The following CELF4 variants were observed in gnomAD, a reference collection of about 807,000 sequenced individuals.
CELF4 encodes CUGBP Elav-like family member 4, also known as CUG-BP- and ETR-3-like factor 4.
Under a neutral mutation model 59.9 loss-of-function variants are expected in CELF4, and 18 were observed. The observed-to-expected ratio is 0.30, with a 90% CI of 0.21 to 0.45. The LOEUF (loss-of-function observed/expected upper bound fraction) is 0.45. Among genes scored for constraint, CELF4 ranks in the 20% least tolerant of loss-of-function variants. CELF4 has a pLI of 1.00. For synonymous variants in CELF4, 261 were observed against 267.1 expected, an observed-to-expected ratio of 0.98 and a Z score of 0.22; for missense variants, 456 against 689.0, an observed-to-expected ratio of 0.66 and a Z score of 3.79.
At chr18:37,276,737 T>G (rs549505789) in intron 3 of CELF4, among the ~76,000 whole-genome samples, 55 of 152,296 alleles carry the variant, frequency 3.6e-4, no homozygotes, top group African/African-American at 1.3e-3. Context: ...AATAAATGGT[T>G]GTTTTACACC....
In CELF4 at chr18:37,357,574, G is replaced by A. The variant is rs553848609; in HGVS notation, c.370-35693C>T. On this transcript the variant is annotated intron_variant, in intron 2 of 12. Coordinates refer to ENST00000420428, the MANE Select transcript of CELF4 (RefSeq NM_020180.4). ...GCCTCCACAGAGAATCCCTACTGGG[G>A]CACTGCCTAGTGAAGCTGTGAGAAG... Among the ~76,000 whole-genome samples the A allele has an allele frequency of 3.9e-5, 6 of 152,200 alleles. No individual in the cohort carries two copies. The South Asian group carries it at 1.2e-3, about 32-fold the overall frequency.
intron 3 of CELF4, among the ~76,000 whole-genome samples, chr18:37,290,188 A>T (rs986108832): frequency 1.3e-5 from 2 of 152,018 alleles, no homozygotes; most frequent in African/African-American, 4.8e-5. Flanking sequence ...GCCAGCCCCA[A>T]CTCTCCTTCC....
At chr18:37,552,403 CA>C (rs2099983503) in intron 1 of CELF4, among the ~76,000 whole-genome samples, 1 of 152,340 alleles carries the variant, frequency 6.6e-6, no homozygotes, top group East Asian at 1.9e-4. Flanking sequence ...CCCTGCTCTG[CA>C]GAAACCTGCC....
chr18:37,474,265 G>C lies in CELF4; in HGVS notation c.369+11260C>G, dbSNP rs1324787124. 2.6e-5 allele frequency among the ~76,000 whole-genome samples: 4 copies of C among 152,340 alleles called. No homozygotes were observed. In the East Asian group the frequency reaches 7.7e-4, roughly 29 times the overall value. On this transcript the variant is annotated intron_variant, in intron 2 of 12. Transcript: ENST00000420428. Reference sequence around the variant, plus strand: ...TGGCTTCCCAAGGGCACACAGTAAGGCTCCAGGCAGAGCTGGGGATGGAAT... The same window carrying C: ...TGGCTTCCCAAGGGCACACAGTAAGCCTCCAGGCAGAGCTGGGGATGGAAT...
chr18:37,512,772 CT>C (rs2099946038), intron 1 of CELF4, among the ~76,000 whole-genome samples: 3 of 151,458 alleles, frequency 2.0e-5, no homozygotes, highest in South Asian at 4.2e-4. Flanking sequence ...TTCTTCTTCC[CT>C]TTAGTCCTTC....
At chr18:37,357,410 T>C (rs1268622786) in intron 2 of CELF4, among the ~76,000 whole-genome samples, 7 of 152,208 alleles carry the variant, frequency 4.6e-5, no homozygotes, top group South Asian at 2.1e-4. Flanking sequence ...AAGTCAAGAA[T>C]TGAGGTTTGG....
chr18:37,555,700 A>G (rs571189256), intron 1 of CELF4, among the ~76,000 whole-genome samples: 2 of 152,348 alleles, frequency 1.3e-5, no homozygotes, highest in Non-Finnish European at 2.9e-5. Flanking sequence ...ACACAACTGA[A>G]TCACTCTGGG....
rs150790261 is a variant in CELF4 at position 37,544,665 on chromosome 18, G to A, written c.286+20691C>T. Among the ~76,000 whole-genome samples, 24 of 152,332 alleles carry A rather than the reference G, an allele frequency of 1.6e-4. No homozygotes were observed. In the East Asian group the frequency reaches 3.9e-3, roughly 24 times the overall value. On this transcript the variant is annotated intron_variant, in intron 1 of 12. Transcript: ENST00000420428. ...TACGTGAGGATGAGAATTTAAGAGTGTGAGATTGGGATCCACTTCCTGCAA... is the reference window on the plus strand; with the variant it reads ...TACGTGAGGATGAGAATTTAAGAGTATGAGATTGGGATCCACTTCCTGCAA...
At chr18:37,453,173 C>T (rs1280757287) in intron 2 of CELF4, among the ~76,000 whole-genome samples, 1 of 152,282 alleles carries the variant, frequency 6.6e-6, no homozygotes, top group Non-Finnish European at 1.5e-5. Flanking sequence ...TATGGTCCAA[C>T]ATATTTGCTC....
intron 3 of CELF4, among the ~76,000 whole-genome samples, chr18:37,311,834 G>A (rs1477581211): frequency 2.8e-5 from 4 of 144,564 alleles, no homozygotes; most frequent in Admixed American, 2.1e-4. Context: ...GGGATCGTCC[G>A]GGCGCGGTGG....
intron 2 of CELF4, among the ~76,000 whole-genome samples, chr18:37,391,628 C>CAGGA (rs2099162855): frequency 6.6e-6 from 1 of 152,206 alleles, no homozygotes. Context: ...ATGTCCTGAC[C>CAGGA]CATGGCATGG....
At chr18:37,286,912 C>G (rs544053199) in intron 3 of CELF4, among the ~76,000 whole-genome samples, 1 of 152,174 alleles carries the variant, frequency 6.6e-6, no homozygotes, top group Admixed American at 6.5e-5. Context: ...CTGGCCTCCC[C>G]GCGAGACCCA....
At chr18:37,411,117 C>T (rs941754588) in intron 2 of CELF4, among the ~76,000 whole-genome samples, 4 of 151,984 alleles carry the variant, frequency 2.6e-5, no homozygotes, top group Middle Eastern at 3.2e-3. Context: ...CCACCATGCC[C>T]GGGTAATTTT....
chr18:37,278,480 C>T (rs1209139739), intron 3 of CELF4, among the ~76,000 whole-genome samples: 1 of 152,226 alleles, frequency 6.6e-6, no homozygotes, highest in African/African-American at 2.4e-5. Flanking sequence ...TGCGAGTGGA[C>T]TTCCTTGTGG....
At chr18:37,332,386 G>A (rs1253410692) in intron 2 of CELF4, among the ~76,000 whole-genome samples, 1 of 152,172 alleles carries the variant, frequency 6.6e-6, no homozygotes, top group Non-Finnish European at 1.5e-5. Context: ...CCGGGCAGTT[G>A]CTATGCAACA....
intron 8 of CELF4, among the ~76,000 whole-genome samples, chr18:37,270,190 T>A (rs900477865): frequency 5.7e-4 from 32 of 56,386 alleles, no homozygotes; most frequent in African/African-American, 4.1e-3. Flanking sequence ...CCAGACTATT[T>A]GAAAAAATAG....
intron 2 of CELF4, among the ~76,000 whole-genome samples, chr18:37,385,093 T>C (rs2099084439): frequency 6.6e-6 from 1 of 152,136 alleles, no homozygotes; most frequent in South Asian, 2.1e-4. Flanking sequence ...ACGCCTGTAA[T>C]CCCAGCACTT....
At chr18:37,424,974 C>T (rs2099602778) in intron 2 of CELF4, among the ~76,000 whole-genome samples, 1 of 152,212 alleles carries the variant, frequency 6.6e-6, no homozygotes, top group Non-Finnish European at 1.5e-5. Flanking sequence ...CTCGCCCCAC[C>T]CGCACAGTGC....
chr18:37,320,958 G>A (rs2097095360), intron 3 of CELF4, among the ~76,000 whole-genome samples: 1 of 152,150 alleles, frequency 6.6e-6, no homozygotes, highest in South Asian at 2.1e-4. Flanking sequence ...GATGCTGGAT[G>A]TATTTTCTTT....
Sources: gnomAD v4.1 joint callset for allele counts (sites outside exome capture counted in the v4.1 genomes callset) on GRCh38, gnomAD v4.1.1 for gene constraint, MANE v1.5 for transcripts, NCBI Gene and HGNC (gene_info 2026-07-23, HGNC 2026-07-21) for gene names.